The following NAA60 variants were observed in gnomAD, a reference collection of about 807,000 sequenced individuals.
The protein encoded by NAA60 is N-alpha-acetyltransferase 60.
A neutral mutation model predicts 26.1 loss-of-function variants in NAA60; 8 were observed. The ratio of observed to expected loss-of-function variants is 0.31; its 90% CI spans 0.18 to 0.55. The LOEUF (loss-of-function observed/expected upper bound fraction) is 0.55, where lower values mean the gene tolerates loss of function less well. Among genes scored for constraint, NAA60 ranks in the 20% least tolerant of loss-of-function variants. NAA60 has a pLI of 0.93. For missense variants in NAA60, 290 were observed against 311.3 expected (o/e 0.93, Z 0.51); for synonymous variants, 131 against 122.5 (o/e 1.07, Z -0.46).
At chr16:3,476,709 C>T (rs2036506342) in intron 3 of NAA60, among the ~76,000 whole-genome samples, 1 of 151,632 alleles carries the variant, frequency 6.6e-6, no homozygotes, top group African/African-American at 2.4e-5. Context: ...TATTATTCAG[C>T]CGGGAAAAAA....
intron 3 of NAA60, 62 bp from the exon 4 acceptor site, chr16:3,479,409 G>C: frequency 6.3e-7 from 1 of 1,583,884 alleles, no homozygotes; most frequent in South Asian, 1.2e-5. Context: ...CTGATGTCTA[G>C]AGCACGACCA....
At chr16:3,478,103 G>T (rs940789054) in intron 3 of NAA60, among the ~76,000 whole-genome samples, 8 of 127,858 alleles carry the variant, frequency 6.3e-5, no homozygotes, top group African/African-American at 1.7e-4. Context: ...AGGCCTGGTG[G>T]CACGCACCTG....
At chr16:3,478,146 G>C (rs1241971706) in intron 3 of NAA60, among the ~76,000 whole-genome samples, 2 of 152,128 alleles carry the variant, frequency 1.3e-5, no homozygotes, top group Non-Finnish European at 2.9e-5. Flanking sequence ...TGAGGCAGGA[G>C]AATCACTTGA....
intron 6 of NAA60, 106 bp downstream of exon 6, chr16:3,483,703 G>A (rs1437387162): frequency 2.3e-6 from 2 of 859,068 alleles, no homozygotes; most frequent in Non-Finnish European, 3.8e-6. Flanking sequence ...TGTTCAGGTG[G>A]CCAAGCTTAT....
intron 2 of NAA60, among the ~76,000 whole-genome samples, chr16:3,474,619 C>T (rs1325276973): frequency 6.6e-6 from 1 of 152,252 alleles, no homozygotes; most frequent in Non-Finnish European, 1.5e-5. Flanking sequence ...GCTCGCCCTG[C>T]CAGTGGAGTG....
At chr16:3,476,512 G>A (rs2036493859) in intron 3 of NAA60, among the ~76,000 whole-genome samples, 175 bp downstream of exon 3, 1 of 152,196 alleles carries the variant, frequency 6.6e-6, no homozygotes, top group Non-Finnish European at 1.5e-5. Flanking sequence ...CCTGCTGCTG[G>A]GCTCTTTCCA....
chr16:3,485,342 G>C, intron 7 of NAA60, 125 bp from the exon 8 acceptor site: 1 of 486,840 alleles, frequency 2.1e-6, no homozygotes, highest in South Asian at 1.5e-5. Context: ...AGACACCATG[G>C]CCTGGAGAAG....
At position 3,476,412 on chromosome 16, in the gene NAA60, G is replaced by T. The variant is rs147738402; in HGVS notation, c.110+75G>T. 4.0e-3 allele frequency: 4,873 copies of T among 1,229,256 alleles called. 19 individuals are homozygous for T. Among genetic ancestry groups the T allele is most frequent in the South Asian group, 9.8e-3 (725 of 74,030 alleles). 76.1% of individuals were successfully genotyped at this position (1,229,256 alleles called of 1,614,324 possible). A position where few individuals can be genotyped will look rare whatever the true frequency, so the allele number is the denominator to read the frequency against. On this transcript the variant is annotated intron_variant, in intron 3 of 7. Transcript: ENST00000407558. Reference sequence around the variant, plus strand: ...CAGAAGCTGGGCGGCGGGGGTGGGGGCCTCTTGGGCCCTTAGGACCGTGCT... The same window carrying T: ...CAGAAGCTGGGCGGCGGGGGTGGGGTCCTCTTGGGCCCTTAGGACCGTGCT...
chr16:3,467,203 C>T (rs1007063380), intron 2 of NAA60, among the ~76,000 whole-genome samples: 4 of 152,042 alleles, frequency 2.6e-5, no homozygotes, highest in Admixed American at 1.3e-4. Flanking sequence ...ATCTTCAGGC[C>T]ACGGCTGAGA....
intron 2 of NAA60, among the ~76,000 whole-genome samples, chr16:3,465,558 G>A (rs2035701118): frequency 6.6e-6 from 1 of 152,166 alleles, no homozygotes; most frequent in African/African-American, 2.4e-5. Flanking sequence ...GCTGCAGACG[G>A]GGGTTAGTAC....
intron 2 of NAA60, chr16:3,457,878 G>A (rs1299844266): frequency 1.1e-5 from 8 of 732,274 alleles, no homozygotes; most frequent in Non-Finnish European, 1.3e-5. Flanking sequence ...CCGCATACGG[G>A]ATCCTGGGCC....
chr16:3,468,539 C>T (rs1328789852), intron 2 of NAA60, among the ~76,000 whole-genome samples: 1 of 152,190 alleles, frequency 6.6e-6, no homozygotes, highest in Non-Finnish European at 1.5e-5. Context: ...GAGGTCATTT[C>T]CATGTAAAAG....
At chr16:3,450,514 C>T (rs896685120) in intron 2 of NAA60, among the ~76,000 whole-genome samples, 4 of 151,916 alleles carry the variant, frequency 2.6e-5, no homozygotes, top group Non-Finnish European at 5.9e-5. Context: ...TCCTGGCTAA[C>T]ATGGTGAAAC....
intron 2 of NAA60, among the ~76,000 whole-genome samples, chr16:3,474,699 T>C (rs1180544204): frequency 1.3e-5 from 2 of 152,236 alleles, no homozygotes; most frequent in Non-Finnish European, 2.9e-5. Context: ...GGGGCTTGCC[T>C]CCACACCTTG....
intron 7 of NAA60, 137 bp downstream of exon 7, chr16:3,485,198 C>T: frequency 1.4e-6 from 1 of 705,696 alleles, no homozygotes; most frequent in Non-Finnish European, 2.6e-6. Flanking sequence ...TATGCACCAG[C>T]ACAGCCCAGA....
At chr16:3,452,296 C>G (rs575615150) in intron 2 of NAA60, among the ~76,000 whole-genome samples, 3 of 152,290 alleles carry the variant, frequency 2.0e-5, no homozygotes, top group South Asian at 2.1e-4. Context: ...AGTCTTCACA[C>G]TCTTGGTATG....
intron 2 of NAA60, among the ~76,000 whole-genome samples, chr16:3,449,448 G>T (rs1285182026): frequency 6.6e-6 from 1 of 151,552 alleles, no homozygotes; most frequent in Non-Finnish European, 1.5e-5. Flanking sequence ...AACCTGGGAG[G>T]TGACAGTTGC....
chr16:3,474,171 C>T (rs936027470), intron 2 of NAA60, among the ~76,000 whole-genome samples: 20 of 152,220 alleles, frequency 1.3e-4, no homozygotes, highest in African/African-American at 4.8e-4. Context: ...ACTTGGCACA[C>T]CTGACGTTGA....
chr16:3,476,394 T>G, intron 3 of NAA60, 57 bp downstream of exon 3: 13 of 1,433,806 alleles, frequency 9.1e-6, no homozygotes, highest in East Asian at 2.4e-5. Flanking sequence ...GTGCAGAAGC[T>G]GGGCGGCGGG....
Sources: allele counts gnomAD v4.1 joint callset (sites outside exome capture counted in the v4.1 genomes callset), GRCh38; gene constraint gnomAD v4.1.1; transcripts MANE v1.5; gene names NCBI Gene and HGNC (gene_info 2026-07-23, HGNC 2026-07-21).